The following TENM3 variants were observed in gnomAD, a reference collection of about 807,000 sequenced individuals.
TENM3 encodes the protein teneurin-3.
In TENM3, 63 loss-of-function variants were observed where a neutral mutation model predicts 255.1. That is an observed-to-expected ratio of 0.25 (90% CI 0.20 to 0.30). TENM3 has a LOEUF of 0.30. Ranked by LOEUF, TENM3 falls within the 10% of genes least tolerant of loss-of-function variation. TENM3 has a pLI of 1.00. For missense variants in TENM3, 2,929 were observed against 3,461.1 expected, an observed-to-expected ratio of 0.85 and a Z score of 3.86; for synonymous variants, 1,306 against 1,322.3, an observed-to-expected ratio of 0.99 and a Z score of 0.27.
chr4:181,663,836 C>T, the TENM3 span, among the ~76,000 whole-genome samples: 1 of 152,158 alleles, frequency 6.6e-6, no homozygotes, highest in Non-Finnish European at 1.5e-5. Flanking sequence ...GATTTCCTTG[C>T]CATGCTTTTT....
intron 1 of TENM3, among the ~76,000 whole-genome samples, chr4:182,298,692 A>ATCGG (rs1163455361): frequency 6.6e-6 from 1 of 151,994 alleles, no homozygotes; most frequent in Admixed American, 6.6e-5. Context: ...AGGTAATGGG[A>ATCGG]TCGGGCATGG....
chr4:181,596,381 C>A, the TENM3 span, among the ~76,000 whole-genome samples: 1 of 152,078 alleles, frequency 6.6e-6, no homozygotes, highest in African/African-American at 2.4e-5. Flanking sequence ...ACTTACAGAT[C>A]CCAGTTTTGG....
intron 12 of TENM3, among the ~76,000 whole-genome samples, chr4:182,691,644 G>T (rs1164584283): frequency 1.3e-5 from 2 of 152,096 alleles, no homozygotes; most frequent in South Asian, 2.1e-4. Flanking sequence ...TCGTCTGCAG[G>T]TTCATCATCC....
chr4:182,135,784 A>T, the TENM3 span, among the ~76,000 whole-genome samples: 1 of 152,194 alleles, frequency 6.6e-6, no homozygotes, highest in Admixed American at 6.5e-5. Context: ...CTCCCAACCA[A>T]CACATATGTA....
At chr4:182,331,440 G>A (rs1763749977) in intron 2 of TENM3, among the ~76,000 whole-genome samples, 1 of 152,152 alleles carries the variant, frequency 6.6e-6, no homozygotes. Context: ...CAGCTACTCA[G>A]GAGGCTAAGG....
the TENM3 span, among the ~76,000 whole-genome samples, chr4:181,703,363 T>C: frequency 6.6e-6 from 1 of 152,222 alleles, no homozygotes; most frequent in African/African-American, 2.4e-5. Context: ...CCTCAGGCTT[T>C]CTTTCCTACA....
At chr4:181,632,555 A>G in the TENM3 span, among the ~76,000 whole-genome samples, 1 of 152,188 alleles carries the variant, frequency 6.6e-6, no homozygotes, top group African/African-American at 2.4e-5. Flanking sequence ...AAATGAGAGG[A>G]GATCTATATC....
chr4:182,223,950 G>C (rs148921810), intron 1 of TENM3, among the ~76,000 whole-genome samples: 27 of 152,272 alleles, frequency 1.8e-4, no homozygotes, highest in Non-Finnish European at 3.5e-4. Context: ...TATTTGACCA[G>C]AGGCAATGGA....
chr4:182,446,648 C>T (rs1772936327), intron 3 of TENM3, among the ~76,000 whole-genome samples: 2 of 150,198 alleles, frequency 1.3e-5, no homozygotes, highest in African/African-American at 2.5e-5. Flanking sequence ...TTTTAAGAGA[C>T]GGAGTCTCCC....
chr4:182,188,117 A>G (rs1753286169), intron 1 of TENM3, among the ~76,000 whole-genome samples: 1 of 152,172 alleles, frequency 6.6e-6, no homozygotes, highest in Non-Finnish European at 1.5e-5. Context: ...AACCAAATGC[A>G]AATATATATA....
At chr4:181,558,901 C>T in the TENM3 span, among the ~76,000 whole-genome samples, 1 of 152,130 alleles carries the variant, frequency 6.6e-6, no homozygotes, top group African/African-American at 2.4e-5. Context: ...ATTTCAAGAG[C>T]ATTTGGGAAA....
At chr4:182,555,908 C>CT (rs1742537930) in intron 3 of TENM3, among the ~76,000 whole-genome samples, 1 of 151,522 alleles carries the variant, frequency 6.6e-6, no homozygotes, top group Non-Finnish European at 1.5e-5. Context: ...TCTGGAATTA[C>CT]TTTTTTTATT....
rs544403548 is a variant in TENM3, at chr4:182,673,068, G to A, written c.1175G>A (p.Arg392Gln). 1.8e-5 allele frequency: 29 copies of A among 1,610,156 alleles called. No homozygotes were observed. Among genetic ancestry groups the A allele is most frequent in the African/African-American group, 8.0e-5 (6 of 74,962 alleles). Residue 392 changes from arginine (R) to glutamine (Q), a missense_variant, in exon 7 of 28, where the codon CGA becomes CAA. Arg to Gln is a conservative substitution (Grantham distance 43). Coordinates refer to ENST00000511685, the MANE Select transcript of TENM3 (RefSeq NM_001080477.4). The stretch of plus-strand genomic sequence containing the variant: ...GATTCCGGAGAACTTGATATTGGCC[G>A]AAGAGCAATTCAAGAGATTCCTCCC... ...TIDSGELDIG[R>Q]RAIQEIPPGI...
rs1750248406 is a variant in TENM3, at chr4:182,621,743, T to TAA, written c.750-6907_750-6906dup. Reference sequence around the variant, plus strand: ...TATTATATATAAAATATATAATATATAATATATTATAATATATAATAATTA... The same window carrying TAA: ...TATTATATATAAAATATATAATATATAAAATATATTATAATATATAATAATTA... On this transcript the variant is annotated intron_variant, in intron 4 of 27. Transcript: ENST00000511685. Among the ~76,000 whole-genome samples, 2 of 37,102 alleles carry TAA rather than the reference T, an allele frequency of 5.4e-5. 1 individual carries two copies. The highest frequency in any genetic ancestry group is 1.2e-4 in the Non-Finnish European group (2 of 16,420). 24.3% of individuals were successfully genotyped at this position (37,102 alleles called of 152,430 possible). A position where few individuals can be genotyped will look rare whatever the true frequency, so the allele number is the denominator to read the frequency against.
At position 182,688,197 on chromosome 4, in the gene TENM3, C is replaced by A. The variant is rs753068447; in HGVS notation, c.2067C>A (p.Gly689=). The A allele has an allele frequency of 6.2e-7, 1 of 1,613,170 alleles. No individual in the cohort carries two copies. Among genetic ancestry groups the A allele is most frequent in the African/African-American group, 1.3e-5 (1 of 74,970 alleles). ...EICSVDCGSH[G]VCMGGTCRCE... ...GTTCTGTGGACTGTGGCTCACACGG[C>A]GTTTGCATGGGGGGGACGTGTCGCT... The change falls in exon 12 of 28, where the codon GGC becomes GGA. Residue 689 remains glycine (G), a synonymous_variant. Coordinates refer to ENST00000511685, the MANE Select transcript of TENM3 (RefSeq NM_001080477.4).
chr4:182,679,565 G>A, intron 7 of TENM3, 101 bp from the exon 8 acceptor site: 2 of 924,524 alleles, frequency 2.2e-6, no homozygotes, highest in Middle Eastern at 3.5e-4. Context: ...TTCTAACATT[G>A]TATTTGTTAG....
At chr4:182,768,981 A>G (rs750217104) in intron 22 of TENM3, among the ~76,000 whole-genome samples, 27 of 152,190 alleles carry the variant, frequency 1.8e-4, no homozygotes, top group Non-Finnish European at 3.8e-4. Context: ...TGTTCTATTC[A>G]AATTCCCTGG....
the TENM3 span, among the ~76,000 whole-genome samples, chr4:181,546,729 AG>A: frequency 0.44 from 60,036 of 137,824 alleles, 13,899 homozygotes; most frequent in Admixed American, 0.57. Flanking sequence ...AAAAAAAAAA[AG>A]AAGAAGAAGA....
the TENM3 span, among the ~76,000 whole-genome samples, chr4:182,055,366 A>G: frequency 1.2e-4 from 18 of 151,934 alleles, no homozygotes; most frequent in Non-Finnish European, 2.5e-4. Context: ...TAAATAAATA[A>G]ATAAATAAAT....
Sources: gnomAD v4.1 joint callset for allele counts (sites outside exome capture counted in the v4.1 genomes callset) on GRCh38, gnomAD v4.1.1 for gene constraint, MANE v1.5 for transcripts, NCBI Gene and HGNC (gene_info 2026-07-23, HGNC 2026-07-21) for gene names.